SCFD2: variants seen among roughly 807,000 people sequenced by gnomAD.
SCFD2 encodes the protein sec1 family domain-containing protein 2.
In SCFD2, 54 loss-of-function variants were observed where a neutral mutation model predicts 58.9. The observed-to-expected ratio is 0.92, with a 90% confidence interval of 0.74 to 1.15. The LOEUF is 1.15. Ranked by LOEUF, SCFD2 falls within the 50% of genes most tolerant of loss-of-function variation. The pLI is 0.00. For synonymous variants in SCFD2, 321 were observed against 335.9 expected, an observed-to-expected ratio of 0.96 and a Z score of 0.49; for missense variants, 805 against 836.6, an observed-to-expected ratio of 0.96 and a Z score of 0.47.
At chr4:53,176,621 A>G (rs1727338335) in intron 4 of SCFD2, among the ~76,000 whole-genome samples, 1 of 152,222 alleles carries the variant, frequency 6.6e-6, no homozygotes, top group African/African-American at 2.4e-5. Context: ...TTCTGACTGC[A>G]CTGTGAGAAA....
intron 5 of SCFD2, among the ~76,000 whole-genome samples, chr4:53,033,496 C>T (rs533457441): frequency 9.2e-5 from 14 of 151,954 alleles, no homozygotes; most frequent in Middle Eastern, 3.4e-3. Flanking sequence ...GATAGAGACA[C>T]GAAAAATCCT....
chr4:53,240,034 C>T (rs1729844894), intron 4 of SCFD2, among the ~76,000 whole-genome samples: 1 of 152,190 alleles, frequency 6.6e-6, no homozygotes, highest in Non-Finnish European at 1.5e-5. Flanking sequence ...TAAAAGATCA[C>T]CCTCCTTAAC....
At chr4:52,988,081 A>T (rs1271170247) in intron 5 of SCFD2, among the ~76,000 whole-genome samples, 1 of 152,218 alleles carries the variant, frequency 6.6e-6, no homozygotes, top group East Asian at 1.9e-4. Flanking sequence ...CAGAGGTCAG[A>T]ACCTACAATT....
intron 6 of SCFD2, among the ~76,000 whole-genome samples, chr4:52,912,956 A>G (rs897600102): frequency 8.5e-5 from 13 of 152,202 alleles, no homozygotes; most frequent in African/African-American, 2.7e-4. Flanking sequence ...TTAGCCATAT[A>G]GTTTGTCTCC....
intron 3 of SCFD2, among the ~76,000 whole-genome samples, chr4:53,301,187 A>C (rs1732274889): frequency 2.0e-5 from 3 of 152,182 alleles, no homozygotes; most frequent in Admixed American, 1.3e-4. Context: ...GATCAACAAA[A>C]TTGATAGACC....
intron 5 of SCFD2, among the ~76,000 whole-genome samples, chr4:53,103,671 G>C (rs1200059194): frequency 1.4e-5 from 2 of 144,024 alleles, no homozygotes; most frequent in African/African-American, 5.1e-5. Flanking sequence ...ATCCTCCAGT[G>C]AAAGGAAGCA....
chr4:53,133,231 A>C (rs1203054625), intron 5 of SCFD2, among the ~76,000 whole-genome samples: 8 of 151,256 alleles, frequency 5.3e-5, no homozygotes, highest in Non-Finnish European at 8.8e-5. Flanking sequence ...GGGAGGCTGA[A>C]GCAGGAGAAT....
intron 4 of SCFD2, among the ~76,000 whole-genome samples, chr4:53,164,695 G>C (rs1726952574): frequency 6.6e-6 from 1 of 151,750 alleles, no homozygotes; most frequent in South Asian, 2.1e-4. Flanking sequence ...AGGAGGCTAA[G>C]GCAGGAGAAT....
chr4:53,002,721 T>C (rs1190395058), intron 5 of SCFD2, among the ~76,000 whole-genome samples: 1 of 152,176 alleles, frequency 6.6e-6, no homozygotes, highest in Admixed American at 6.5e-5. Context: ...ATTTAAGCTC[T>C]ACAAGGTCAG....
intron 5 of SCFD2, among the ~76,000 whole-genome samples, chr4:53,123,132 G>A (rs944791235): frequency 6.6e-6 from 1 of 152,148 alleles, no homozygotes; most frequent in Non-Finnish European, 1.5e-5. Context: ...TGAATAGCAT[G>A]CTGGATATTT....
chr4:53,167,746 C>T (rs1313841012), intron 4 of SCFD2, among the ~76,000 whole-genome samples: 1 of 98,002 alleles, frequency 1.0e-5, no homozygotes, highest in African/African-American at 3.9e-5. Context: ...TCCACCAAAA[C>T]CAAGAGGAAA....
chr4:52,974,276 G>A lies in SCFD2; in HGVS notation c.1562-53406C>T, dbSNP rs554517321. On this transcript the variant is annotated intron_variant, in intron 5 of 8. Coordinates refer to ENST00000401642, the MANE Select transcript of SCFD2 (RefSeq NM_152540.4). ...GATTGTATATCTAGAAAACCCCATC[G>A]TCTCAGCCCAAAATCTCCTTCAGCT... Among the ~76,000 whole-genome samples, 190 of 152,252 alleles carry A rather than the reference G, an allele frequency of 1.2e-3. 1 individual carries two copies. Among genetic ancestry groups the A allele is most frequent in the African/African-American group, 4.3e-3 (180 of 41,544 alleles).
chr4:53,282,943 GA>G (rs1267104050), intron 3 of SCFD2, among the ~76,000 whole-genome samples: 1 of 152,166 alleles, frequency 6.6e-6, no homozygotes, highest in Non-Finnish European at 1.5e-5. Flanking sequence ...TGGAATATCT[GA>G]AAAGGCTCTG....
rs538249120 is a variant in SCFD2, at chr4:52,905,185, G to A, written c.1842+2272C>T. On this transcript the variant is annotated intron_variant, in intron 7 of 8. Transcript: ENST00000401642. ...TTCTGGAGAGCCTTAAAGCAGAGTGGTAGACATCTTCTCTTGATGGCCTCA... is the reference window on the plus strand; with the variant it reads ...TTCTGGAGAGCCTTAAAGCAGAGTGATAGACATCTTCTCTTGATGGCCTCA... Among the ~76,000 whole-genome samples the A allele has an allele frequency of 2.2e-4, 33 of 152,332 alleles. No individual in the cohort carries two copies. In the South Asian group the frequency reaches 6.6e-3, roughly 31 times the overall value.
chr4:53,101,084 C>CAGGG, intron 5 of SCFD2, among the ~76,000 whole-genome samples: 1 of 152,244 alleles, frequency 6.6e-6, no homozygotes, highest in Non-Finnish European at 1.5e-5. Flanking sequence ...CTTCCATGGA[C>CAGGG]AGGGAAGAAA....
intron 4 of SCFD2, among the ~76,000 whole-genome samples, chr4:53,187,245 T>C (rs1054919602): frequency 3.3e-5 from 5 of 152,106 alleles, no homozygotes; most frequent in African/African-American, 1.2e-4. Flanking sequence ...TCATTAAATT[T>C]TTCTTCTTAT....
intron 8 of SCFD2, among the ~76,000 whole-genome samples, chr4:52,880,099 C>T (rs1718571803): frequency 6.6e-6 from 1 of 152,120 alleles, no homozygotes; most frequent in Non-Finnish European, 1.5e-5. Context: ...CTGGAAACAT[C>T]TGACCTGACT....
chr4:52,960,368 CT>C (rs35967473), intron 5 of SCFD2, among the ~76,000 whole-genome samples: 64,222 of 134,948 alleles, frequency 0.48, 15,039 homozygotes, highest in East Asian at 0.7. Flanking sequence ...TCTTCTTCTT[CT>C]TTTTTTTTTT....
At chr4:53,116,711 C>T (rs1577741766) in intron 5 of SCFD2, among the ~76,000 whole-genome samples, 1 of 152,036 alleles carries the variant, frequency 6.6e-6, no homozygotes, top group East Asian at 1.9e-4. Flanking sequence ...GTTTTGTGAA[C>T]CAATAAATAT....
Sources: allele counts gnomAD v4.1 joint callset (sites outside exome capture counted in the v4.1 genomes callset), GRCh38; gene constraint gnomAD v4.1.1; transcripts MANE v1.5; gene names NCBI Gene and HGNC (gene_info 2026-07-23, HGNC 2026-07-21).